PPP4R3B: variants seen among roughly 807,000 people sequenced by gnomAD.
The protein encoded by PPP4R3B is serine/threonine-protein phosphatase 4 regulatory subunit 3B.
Under a neutral mutation model 95.4 loss-of-function variants are expected in PPP4R3B, and 52 were observed. The ratio of observed to expected loss-of-function variants is 0.54; its 90% CI spans 0.44 to 0.69. The LOEUF is 0.69. PPP4R3B is among the 30% of genes least tolerant of loss of function. The pLI is 0.00. For synonymous variants in PPP4R3B, 407 were observed against 343.9 expected, an observed-to-expected ratio of 1.18 and a Z score of -2.03; for missense variants, 1,003 against 1,005.9, an observed-to-expected ratio of 1.00 and a Z score of 0.04.
Position 55,573,842 on chromosome 2 carries a change from C to G in PPP4R3B, c.1607-65G>C, listed in dbSNP as rs369461045. 6.5e-5 allele frequency: 70 copies of G among 1,072,520 alleles called. No individual in the cohort carries two copies. The African/African-American group carries it at 7.9e-4, about 12-fold the overall frequency. 66.4% of individuals were successfully genotyped at this position (1,072,520 alleles called of 1,614,324 possible). ...ATATCTAAATAAAGAATAAATAAAG[C>G]TTACATCCTATATGTTATAACAAAA... On this transcript the variant is annotated intron_variant, in intron 11 of 16. Coordinates refer to ENST00000616407, the MANE Select transcript of PPP4R3B (RefSeq NM_001122964.3).
intron 16 of PPP4R3B, among the ~76,000 whole-genome samples, chr2:55,558,036 G>A (rs1686077948): frequency 1.3e-5 from 2 of 152,020 alleles, no homozygotes; most frequent in African/African-American, 2.4e-5. Flanking sequence ...GAGTATACAC[G>A]ATTGGAAATG....
rs1220570427 is a variant in PPP4R3B, at chr2:55,603,912, A to C, written c.297+66T>G. On this transcript the variant is annotated intron_variant, in intron 3 of 16. Transcript: ENST00000616407. Reference sequence around the variant, plus strand: ...CGCCACATCCTAATATGTTTGAAGTAAAAAGGAAACAAAAATTCCAGAAAA... The same window carrying C: ...CGCCACATCCTAATATGTTTGAAGTCAAAAGGAAACAAAAATTCCAGAAAA... 42 of 1,196,670 alleles carry C rather than the reference A, an allele frequency of 3.5e-5. No individual in the cohort carries two copies. In the South Asian group the frequency reaches 4.8e-4, roughly 14 times the overall value. The allele number at this position is 1,196,670 out of a possible 1,614,324, so 74.1% of individuals were successfully genotyped here.
intron 2 of PPP4R3B, chr2:55,614,736 A>G (rs1025827398): frequency 1.3e-5 from 2 of 152,226 alleles, no homozygotes; most frequent in Non-Finnish European, 2.9e-5. Flanking sequence ...AATATGGCGT[A>G]ACATTAACAT....
At chr2:55,565,099 C>T in intron 13 of PPP4R3B, 58 bp from the exon 14 acceptor site, 1 of 1,379,094 alleles carries the variant, frequency 7.3e-7, no homozygotes. Flanking sequence ...AGAAGAAAAA[C>T]TTTAAAATTT....
At position 55,564,355 on chromosome 2, in the gene PPP4R3B, C is replaced by G; in HGVS notation, c.2218G>C (p.Asp740His). The change falls in exon 15 of 17, where the codon GAT (aspartate) becomes CAT (histidine). Residue 740 changes from aspartate to histidine, a missense_variant. Around this residue, in one of 3 missense-constraint regions of PPP4R3B, gnomAD observed 229 missense variants for 194.7 expected, o/e 1.18. Coordinates refer to ENST00000616407, the MANE Select transcript of PPP4R3B (RefSeq NM_001122964.3). ...APVEKPKPED[D>H]FPDNYEKFME... ...AACTTTTCATAATTATCTGGAAAAT[C>G]ATCTTCTGGCTTAGGTTTTTCCACT... 1 of 1,613,230 alleles carries G rather than the reference C, an allele frequency of 6.2e-7. No individual in the cohort carries two copies. The highest frequency in any genetic ancestry group is 8.5e-7 in the Non-Finnish European group (1 of 1,179,724).
chr2:55,588,990 A>G (rs766147757), intron 4 of PPP4R3B, 34 bp from the exon 5 acceptor site: 1 of 1,321,488 alleles, frequency 7.6e-7, no homozygotes, highest in South Asian at 1.2e-5. Context: ...TGAAATATTA[A>G]CAAAAGAATA....
chr2:55,599,941 C>T (rs1352362842), intron 3 of PPP4R3B, among the ~76,000 whole-genome samples: 1 of 152,174 alleles, frequency 6.6e-6, no homozygotes. Flanking sequence ...ATACCATTTC[C>T]TAAGGTTAAC....
rs755633730 is a variant in PPP4R3B at position 55,576,094 on chromosome 2, C to G, written c.1606+1221G>C. Among the ~76,000 whole-genome samples, 10 of 152,286 alleles carry G rather than the reference C, an allele frequency of 6.6e-5. No individual in the cohort carries two copies. In the Middle Eastern group the frequency reaches 0.01, roughly 155 times the overall value. On this transcript the variant is annotated intron_variant, in intron 11 of 16. Transcript: ENST00000616407. ...AGGTGCAGTGGCTCATGCCTGTAAT[C>G]CCAGCACTTTGGGAGGCCAAGGTGG...
At chr2:55,580,135 G>T (rs1410533101) in intron 8 of PPP4R3B, among the ~76,000 whole-genome samples, 1 of 152,148 alleles carries the variant, frequency 6.6e-6, no homozygotes, top group Non-Finnish European at 1.5e-5. Flanking sequence ...AAAGATGCCT[G>T]TGATACGAAT....
At chr2:55,558,728 T>C in intron 16 of PPP4R3B, 47 bp downstream of exon 16, 1 of 1,361,702 alleles carries the variant, frequency 7.3e-7, no homozygotes, top group Non-Finnish European at 9.7e-7. Flanking sequence ...TGAAAAAATC[T>C]CACAGACGGG....
chr2:55,579,554 G>T (rs764248616), intron 9 of PPP4R3B, 125 bp downstream of exon 9: 5 of 507,840 alleles, frequency 9.8e-6, no homozygotes, highest in Non-Finnish European at 1.6e-5. Flanking sequence ...TTATATTGCA[G>T]TTTAAGTTTT....
intron 2 of PPP4R3B, among the ~76,000 whole-genome samples, chr2:55,613,467 AT>A (rs1329478148): frequency 3.3e-5 from 5 of 152,108 alleles, no homozygotes; most frequent in Non-Finnish European, 5.9e-5. Flanking sequence ...TAAATAATGC[AT>A]TTTTTCCAAT....
At chr2:55,616,598 T>C (rs982356741) in intron 1 of PPP4R3B, 1 of 152,190 alleles carries the variant, frequency 6.6e-6, no homozygotes, top group Non-Finnish European at 1.5e-5. Flanking sequence ...CCCGAAGAAA[T>C]GCAGACTACA....
At chr2:55,562,534 T>C (rs1468277176) in intron 15 of PPP4R3B, among the ~76,000 whole-genome samples, 2 of 152,218 alleles carry the variant, frequency 1.3e-5, no homozygotes, top group African/African-American at 4.8e-5. Flanking sequence ...CGACCATGAC[T>C]GTAAGGTTCT....
chr2:55,606,587 C>T (rs979218841), intron 2 of PPP4R3B, among the ~76,000 whole-genome samples: 13 of 151,632 alleles, frequency 8.6e-5, no homozygotes, highest in African/African-American at 2.9e-4. Flanking sequence ...TTTGGGAGGC[C>T]GAGGCGGGCG....
intron 2 of PPP4R3B, among the ~76,000 whole-genome samples, chr2:55,607,367 C>T (rs566414366): frequency 6.6e-5 from 10 of 152,326 alleles, no homozygotes; most frequent in Admixed American, 1.3e-4. Flanking sequence ...TGCAAGCCTG[C>T]GTTGTTTTAC....
chr2:55,575,026 C>T (rs1473365607), intron 11 of PPP4R3B, among the ~76,000 whole-genome samples: 8 of 149,680 alleles, frequency 5.3e-5, no homozygotes, highest in African/African-American at 2.0e-4. Context: ...CAAGCTCCGC[C>T]TCCCGGGTTC....
rs140201947 is a variant in PPP4R3B at position 55,549,126 on chromosome 2, T to A, written c.*785A>T. On this transcript the variant is annotated 3_prime_UTR_variant, in exon 17 of 17. Coordinates refer to ENST00000616407, the MANE Select transcript of PPP4R3B (RefSeq NM_001122964.3). The stretch of plus-strand genomic sequence containing the variant: ...AAGTATCTTCCACAAAAGATTGTAC[T>A]GGTAGGCGGTTGACAACATTCTGTT... 9.1e-4 allele frequency: 138 copies of A among 152,382 alleles called. No homozygotes were observed. The highest frequency in any genetic ancestry group is 3.2e-3 in the African/African-American group (135 of 41,582). The allele number at this position is 152,382 out of a possible 1,614,324, so 9.4% of individuals were successfully genotyped here. A position where few individuals can be genotyped will look rare whatever the true frequency, so the allele number is the denominator to read the frequency against.
At chr2:55,590,054 G>A (rs903774257) in intron 4 of PPP4R3B, among the ~76,000 whole-genome samples, 2 of 148,976 alleles carry the variant, frequency 1.3e-5, no homozygotes, top group African/African-American at 2.5e-5. Context: ...TGGGCCAGGT[G>A]TGGTGGCTCA....
Sources: gnomAD v4.1 joint callset for allele counts (sites outside exome capture counted in the v4.1 genomes callset) on GRCh38, gnomAD v4.1.1 for gene constraint, gnomAD v4.1.1 regional missense constraint, MANE v1.5 for transcripts, NCBI Gene and HGNC (gene_info 2026-07-23, HGNC 2026-07-21) for gene names.